Variants in IL1RAPL2 observed in about 807,000 individuals in gnomAD.
The protein encoded by IL1RAPL2 is X-linked interleukin-1 receptor accessory protein-like 2.
IL1RAPL2 carries 3 observed loss-of-function variants against 44.1 expected under a neutral mutation model. The ratio of observed to expected loss-of-function variants is 0.07; its 90% CI spans 0.03 to 0.18. The LOEUF (loss-of-function observed/expected upper bound fraction) is 0.18. Ranked by LOEUF, IL1RAPL2 falls within the 10% of genes least tolerant of loss-of-function variation. The pLI is 1.00. For missense variants in IL1RAPL2, 391 were observed against 496.4 expected, an observed-to-expected ratio of 0.79 and a Z score of 2.02; for synonymous variants, 181 against 178.8, an observed-to-expected ratio of 1.01 and a Z score of -0.10.
intron 6 of IL1RAPL2, among the ~76,000 whole-genome samples, chrX:105,670,614 T>TA (rs34969798): frequency 0.33 from 33,386 of 101,453 alleles, 4,404 homozygotes; most frequent in Middle Eastern, 0.39. Context: ...TGTCTATATC[T>TA]AAAAAAAAAA....
chrX:104,710,109 T>C (rs1931432085), intron 2 of IL1RAPL2, among the ~76,000 whole-genome samples: 1 of 111,259 alleles, frequency 9.0e-6, no homozygotes, highest in African/African-American at 3.3e-5. Context: ...AGAATTGCCA[T>C]ATGACCCAGC....
chrX:105,744,356 G>A lies in IL1RAPL2; in HGVS notation c.1048+3665G>A, dbSNP rs767696285. 3.6e-5 allele frequency among the ~76,000 whole-genome samples: 4 copies of A among 111,642 alleles called. 1 individual carries two copies. In the Admixed American group the frequency reaches 3.8e-4, roughly 11 times the overall value. On this transcript the variant is annotated intron_variant, in intron 8 of 10. Coordinates refer to ENST00000372582, the MANE Select transcript of IL1RAPL2 (RefSeq NM_017416.2). Reference sequence around the variant, plus strand: ...GACAATATAGTGGAAGCCCAAGAAAGAGCAAGAATCCTTATGGAACTGTCA... The same window carrying A: ...GACAATATAGTGGAAGCCCAAGAAAAAGCAAGAATCCTTATGGAACTGTCA...
rs144443641 is a variant in IL1RAPL2, at chrX:105,564,097, C to G, written c.772+79710C>G. 9.0e-5 allele frequency among the ~76,000 whole-genome samples: 10 copies of G among 111,429 alleles called. No homozygotes were observed. In the East Asian group the frequency reaches 2.8e-3, roughly 32 times the overall value. On this transcript the variant is annotated intron_variant, in intron 6 of 10. Coordinates refer to ENST00000372582, the MANE Select transcript of IL1RAPL2 (RefSeq NM_017416.2). ...CATAGATGGTGCATTCTCACTTCAT[C>G]CTCACAGGGCAGAAGAGGCAAACAA...
intron 1 of IL1RAPL2, among the ~76,000 whole-genome samples, chrX:104,602,288 C>G (rs1483472692): frequency 9.0e-6 from 1 of 111,543 alleles, no homozygotes; most frequent in Non-Finnish European, 1.9e-5. Flanking sequence ...CTGAGGAACT[C>G]TGGCCCAGAT....
chrX:105,509,584 T>C (rs192307189), intron 6 of IL1RAPL2, among the ~76,000 whole-genome samples: 15 of 111,822 alleles, frequency 1.3e-4, no homozygotes, highest in Non-Finnish European at 2.3e-4. Flanking sequence ...GTATGCTAGG[T>C]CCTTCCCATA....
intron 2 of IL1RAPL2, among the ~76,000 whole-genome samples, chrX:105,146,716 A>C (rs1441631145): frequency 2.2e-4 from 25 of 111,324 alleles, no homozygotes; most frequent in Non-Finnish European, 3.2e-4. Context: ...GCAGTGAGAA[A>C]AAATGAGACA....
At chrX:105,177,399 AT>A (rs1389970732) in intron 2 of IL1RAPL2, among the ~76,000 whole-genome samples, 1 of 110,988 alleles carries the variant, frequency 9.0e-6, no homozygotes, top group African/African-American at 3.3e-5. Context: ...TTGTATAATT[AT>A]TTTATTATAT....
At chrX:104,827,540 C>G (rs150068340) in intron 2 of IL1RAPL2, among the ~76,000 whole-genome samples, 4 of 111,541 alleles carry the variant, frequency 3.6e-5, no homozygotes, top group Non-Finnish European at 7.5e-5. Context: ...ATACCTTTCT[C>G]TCTGGCTGCT....
At chrX:105,305,831 C>T (rs998320578) in intron 5 of IL1RAPL2, among the ~76,000 whole-genome samples, 6 of 111,774 alleles carry the variant, frequency 5.4e-5, no homozygotes, top group African/African-American at 1.9e-4. Context: ...TAAGGGACAT[C>T]TGCTCGGGGC....
intron 5 of IL1RAPL2, among the ~76,000 whole-genome samples, chrX:105,296,975 G>A (rs1171857399): frequency 8.9e-6 from 1 of 112,195 alleles, no homozygotes; most frequent in African/African-American, 3.2e-5. Flanking sequence ...TGACATTAAG[G>A]TAGTGGAGAC....
intron 2 of IL1RAPL2, among the ~76,000 whole-genome samples, chrX:104,907,150 C>T (rs1423146626): frequency 2.7e-5 from 3 of 111,106 alleles, no homozygotes; most frequent in Non-Finnish European, 5.7e-5. Flanking sequence ...GTGGTGATAT[C>T]CCCTTTATCA....
At chrX:104,764,416 T>G (rs1932520130) in intron 2 of IL1RAPL2, among the ~76,000 whole-genome samples, 1 of 112,283 alleles carries the variant, frequency 8.9e-6, no homozygotes, top group Admixed American at 9.5e-5. Flanking sequence ...TATCCTGAAA[T>G]TTTACTTAAT....
In IL1RAPL2 at chrX:105,661,154, AT is replaced by A. The variant is rs758916292; in HGVS notation, c.773-56212del. On this transcript the variant is annotated intron_variant, in intron 6 of 10. Transcript: ENST00000372582. ...AGTAGCTATCTTTATATCAGAAAAA[AT>A]AGATTTCAAGCAAAAATTGTAAGAA... 2.0e-3 allele frequency among the ~76,000 whole-genome samples: 220 copies of A among 112,273 alleles called. 1 individual carries two copies. Among genetic ancestry groups the A allele is most frequent in the African/African-American group, 6.7e-3 (207 of 30,997 alleles).
intron 5 of IL1RAPL2, among the ~76,000 whole-genome samples, chrX:105,268,950 A>T (rs1230324238): frequency 9.0e-6 from 1 of 110,733 alleles, no homozygotes; most frequent in Non-Finnish European, 1.9e-5. Flanking sequence ...TTAAATATAA[A>T]CAATTAAAAA....
intron 2 of IL1RAPL2, among the ~76,000 whole-genome samples, chrX:104,779,641 C>T (rs1181450216): frequency 3.6e-5 from 4 of 111,780 alleles, no homozygotes; most frequent in East Asian, 5.6e-4. Context: ...GAAGTATGTA[C>T]TGTTATTATC....
At chrX:104,716,807 CTT>C (rs1931575934) in intron 2 of IL1RAPL2, among the ~76,000 whole-genome samples, 1 of 111,976 alleles carries the variant, frequency 8.9e-6, no homozygotes, top group South Asian at 3.7e-4. Flanking sequence ...AAAAGGAACA[CTT>C]ATACACTATT....
At chrX:105,271,304 AG>A (rs2034444429) in intron 5 of IL1RAPL2, among the ~76,000 whole-genome samples, 1 of 112,337 alleles carries the variant, frequency 8.9e-6, no homozygotes, top group African/African-American at 3.2e-5. Context: ...GCAGATGCAT[AG>A]GGAAGGGTTT....
intron 2 of IL1RAPL2, among the ~76,000 whole-genome samples, chrX:104,985,786 T>C (rs1397082717): frequency 8.9e-6 from 1 of 112,335 alleles, no homozygotes; most frequent in Admixed American, 9.4e-5. Flanking sequence ...AAGCATTTAA[T>C]GAATGCCTTT....
intron 3 of IL1RAPL2, among the ~76,000 whole-genome samples, chrX:105,226,455 T>A (rs1318103921): frequency 9.6e-5 from 9 of 93,430 alleles, no homozygotes; most frequent in Non-Finnish European, 4.2e-5. Context: ...TGGAGTGCAA[T>A]GGTGTGATCT....
Sources: gnomAD v4.1 joint callset for allele counts (sites outside exome capture counted in the v4.1 genomes callset) on GRCh38, gnomAD v4.1.1 for gene constraint, MANE v1.5 for transcripts, NCBI Gene and HGNC (gene_info 2026-07-23, HGNC 2026-07-21) for gene names.